Variants in P3H2 observed in about 807,000 individuals in gnomAD.
P3H2 encodes the protein prolyl 3-hydroxylase 2.
A neutral mutation model predicts 87.0 loss-of-function variants in P3H2; 80 were observed. The observed-to-expected ratio is 0.92, with a 90% CI of 0.77 to 1.11. The LOEUF (loss-of-function observed/expected upper bound fraction) is 1.11, where lower values mean the gene tolerates loss of function less well. P3H2 is among the 50% of genes least tolerant of loss of function. The pLI is 0.00. For missense variants in P3H2, 1,001 were observed against 923.9 expected (o/e 1.08, Z -1.08); for synonymous variants, 367 against 359.3 (o/e 1.02, Z -0.24).
At chr3:190,098,528 T>TA (rs1711508224) in intron 1 of P3H2, among the ~76,000 whole-genome samples, 1 of 152,298 alleles carries the variant, frequency 6.6e-6, no homozygotes, top group South Asian at 2.1e-4. Context: ...TACTAGGGCT[T>TA]ACAATAAGCT....
At chr3:190,041,091 CTA>C (rs770776740) in intron 1 of P3H2, among the ~76,000 whole-genome samples, 19,299 of 50,306 alleles carry the variant, frequency 0.38, 4,232 homozygotes, top group African/African-American at 0.57. Flanking sequence ...CTCTCTCTCT[CTA>C]TATATATATA....
intron 1 of P3H2, among the ~76,000 whole-genome samples, chr3:190,089,241 GA>G (rs1262695181): frequency 1.3e-5 from 2 of 152,120 alleles, no homozygotes; most frequent in Non-Finnish European, 2.9e-5. Context: ...AGCGGGGAGG[GA>G]TAGCATTAGG....
Position 189,983,526 on chromosome 3 carries a change from T to C in P3H2, c.1230-386A>G, listed in dbSNP as rs1723600493. 6 of 183,868 alleles carry C rather than the reference T, an allele frequency of 3.3e-5. No homozygotes were observed. The South Asian group carries it at 8.1e-4, about 25-fold the overall frequency. 11.4% of individuals were successfully genotyped at this position (183,868 alleles called of 1,614,324 possible). A position where few individuals can be genotyped will look rare whatever the true frequency, so the allele number is the denominator to read the frequency against. On this transcript the variant is annotated intron_variant, in intron 7 of 14. Coordinates refer to ENST00000319332, the MANE Select transcript of P3H2 (RefSeq NM_018192.4). Reference sequence around the variant, plus strand: ...ACAACTGTTGAATTGAAATAAATTATGTCATAATGTAGTAGTTCTTGACTA... The same window carrying C: ...ACAACTGTTGAATTGAAATAAATTACGTCATAATGTAGTAGTTCTTGACTA...
chr3:189,973,511 CTT>C (rs869099221), intron 10 of P3H2, among the ~76,000 whole-genome samples: 35 of 35,462 alleles, frequency 9.9e-4, no homozygotes, highest in Admixed American at 2.0e-3. Flanking sequence ...TTCTTTCTTT[CTT>C]TTTTTTTTTT....
At position 190,120,619 on chromosome 3, in the gene P3H2, G is replaced by GGCTCCA. The variant is rs753516272; in HGVS notation, c.107_112dup (p.Leu36_Glu37dup). Reference sequence around the variant, plus strand: ...CAGGTCGAAGGGCTGCAGAGGCCCGGGCTCCAGCTCCAGCTCCCGGCGTGG... The same window carrying GGCTCCA: ...CAGGTCGAAGGGCTGCAGAGGCCCGGGCTCCAGCTCCAGCTCCAGCTCCCGGCGTGG... On this transcript the variant is annotated inframe_insertion, in exon 1 of 15. Transcript: ENST00000319332. 184 of 1,537,840 alleles carry GGCTCCA rather than the reference G, an allele frequency of 1.2e-4. No homozygotes were observed. The African/African-American group carries it at 1.2e-3, about 10-fold the overall frequency.
At chr3:189,970,412 C>T (rs1324532677) in intron 13 of P3H2, among the ~76,000 whole-genome samples, 1 of 150,354 alleles carries the variant, frequency 6.7e-6, no homozygotes, top group African/African-American at 2.4e-5. Flanking sequence ...AATGCTCAGT[C>T]CAAGTACGTA....
intron 8 of P3H2, among the ~76,000 whole-genome samples, chr3:189,974,893 A>G (rs547772701): frequency 6.6e-6 from 1 of 152,370 alleles, no homozygotes; most frequent in East Asian, 1.9e-4. Context: ...TCATAATGTC[A>G]TAATAATGTT....
Position 190,022,691 on chromosome 3 carries a change from T to C in P3H2, c.481-27249A>G, listed in dbSNP as rs1724960327. 2.6e-5 allele frequency among the ~76,000 whole-genome samples: 2 copies of C among 78,382 alleles called. 1 individual carries two copies. The highest frequency in any genetic ancestry group is 2.7e-4 in the Admixed American group (2 of 7,490). 51.4% of individuals were successfully genotyped at this position (78,382 alleles called of 152,430 possible). On this transcript the variant is annotated intron_variant, in intron 1 of 14. Coordinates refer to ENST00000319332, the MANE Select transcript of P3H2 (RefSeq NM_018192.4). ...CAGATAATATCAATAATGAAGTGGG[T>C]ACTTTATAAAACCATTAGGCAGTGG... is the stretch of plus-strand genomic sequence containing the variant.
intron 1 of P3H2, among the ~76,000 whole-genome samples, chr3:190,042,428 TTGTGTG>T (rs58506083): frequency 6.6e-5 from 10 of 150,794 alleles, no homozygotes; most frequent in African/African-American, 1.9e-4. Flanking sequence ...TTGTAAGATT[TTGTGTG>T]TGTGTGTGTG....
rs201411795 is a variant in P3H2 at position 189,971,894 on chromosome 3, A to T, written c.1813T>A (p.Tyr605Asn). The change falls in exon 12 of 15, where the codon TAT becomes AAT. Residue 605 changes from tyrosine (Y) to asparagine (N), a missense_variant. Coordinates refer to ENST00000319332, the MANE Select transcript of P3H2 (RefSeq NM_018192.4). ...TGAAGCAGGTTCTAGCTATACCTAT[A>T]GTCTCGAAATGTGTAAGCAGGAGGC... ...KEPPAYTFRDYSALLYMNDDF... is the reference protein window; with the variant it reads ...KEPPAYTFRDNSALLYMNDDF... 6.3e-7 allele frequency: 1 copy of T among 1,579,676 alleles called. No homozygotes were observed.
At position 189,958,069 on chromosome 3, in the gene P3H2, T is replaced by C. The variant is rs187129151; in HGVS notation, c.2035-65A>G. 1.8e-4 allele frequency: 216 copies of C among 1,179,760 alleles called. No homozygotes were observed. In the African/African-American group the frequency reaches 3.1e-3, roughly 17 times the overall value. 73.1% of individuals were successfully genotyped at this position (1,179,760 alleles called of 1,614,324 possible). On this transcript the variant is annotated intron_variant, in intron 14 of 14. Transcript: ENST00000319332. ...AATAATCAGTCTCATCAGCAGACGCTTCCCAAACACTTCCTGGCATCCATC... is the reference window on the plus strand; with the variant it reads ...AATAATCAGTCTCATCAGCAGACGCCTCCCAAACACTTCCTGGCATCCATC...
chr3:189,963,435 G>C (rs1292035414), intron 14 of P3H2: 1 of 156,484 alleles, frequency 6.4e-6, no homozygotes, highest in Non-Finnish European at 1.4e-5. Flanking sequence ...TGATGCCACA[G>C]AGTTGTTTTG....
chr3:189,968,301 GT>G (rs1399969821), intron 13 of P3H2, among the ~76,000 whole-genome samples: 3 of 152,044 alleles, frequency 2.0e-5, no homozygotes, highest in Non-Finnish European at 4.4e-5. Context: ...GTGTCCATGT[GT>G]TCTCATTGTT....
At chr3:190,039,986 G>C (rs1444568404) in intron 1 of P3H2, among the ~76,000 whole-genome samples, 2 of 152,176 alleles carry the variant, frequency 1.3e-5, no homozygotes, top group East Asian at 3.8e-4. Flanking sequence ...ATAAGGAACA[G>C]AACAAAAACT....
chr3:189,973,295 T>C (rs768551950), intron 10 of P3H2: 10 of 372,216 alleles, frequency 2.7e-5, no homozygotes, highest in African/African-American at 4.1e-5. Flanking sequence ...CTTCCTGCAG[T>C]AGAGAATAAT....
intron 1 of P3H2, among the ~76,000 whole-genome samples, chr3:190,070,538 T>C (rs777435778): frequency 6.6e-6 from 1 of 152,146 alleles, no homozygotes; most frequent in African/African-American, 2.4e-5. Flanking sequence ...TCCAGCATTA[T>C]AGTCATAGTG....
At chr3:189,992,009 A>G (rs966577137) in intron 3 of P3H2, among the ~76,000 whole-genome samples, 1 of 152,004 alleles carries the variant, frequency 6.6e-6, no homozygotes, top group Non-Finnish European at 1.5e-5. Context: ...TTGGTAAAAA[A>G]TCATATGGGA....
chr3:190,095,306 AT>A (rs1371283270), intron 1 of P3H2, among the ~76,000 whole-genome samples: 1 of 11,226 alleles, frequency 8.9e-5, no homozygotes, highest in African/African-American at 3.2e-4. Context: ...CTCAAAACAT[AT>A]ATATATATAT....
At chr3:190,120,973 A>C (rs995038019), upstream of P3H2, 15 of 535,976 alleles carry the variant, frequency 2.8e-5, no homozygotes, top group Non-Finnish European at 4.3e-5. Context: ...TGAGACTCCG[A>C]GAGCCGCTCT....
Sources: gnomAD v4.1 joint callset for allele counts (sites outside exome capture counted in the v4.1 genomes callset) on GRCh38, gnomAD v4.1.1 for gene constraint, MANE v1.5 for transcripts, NCBI Gene and HGNC (gene_info 2026-07-23, HGNC 2026-07-21) for gene names.